NXPH2: variants seen among roughly 807,000 people sequenced by gnomAD.
NXPH2 encodes the protein neurexophilin-2.
A neutral mutation model predicts 19.8 loss-of-function variants in NXPH2; 5 were observed. That is an observed-to-expected ratio of 0.25 (90% CI 0.13 to 0.53). NXPH2 has a LOEUF of 0.53. NXPH2 is among the 20% of genes least tolerant of loss of function. The pLI, the probability that NXPH2 is intolerant of heterozygous loss-of-function variation, is 0.96. For synonymous variants in NXPH2, 154 were observed against 127.4 expected (o/e 1.21, Z -1.41); for missense variants, 289 against 322.8 (o/e 0.90, Z 0.80).
At chr2:138,772,059 C>T (rs764699959) in intron 1 of NXPH2, among the ~76,000 whole-genome samples, 1 of 152,174 alleles carries the variant, frequency 6.6e-6, no homozygotes, top group Non-Finnish European at 1.5e-5. Context: ...ACCTGCTTGT[C>T]CTCATATTCC....
At chr2:138,773,275 C>G (rs535440823) in intron 1 of NXPH2, among the ~76,000 whole-genome samples, 1 of 152,214 alleles carries the variant, frequency 6.6e-6, no homozygotes, top group African/African-American at 2.4e-5. Context: ...ACGGAAAACA[C>G]GCTTTTGAAA....
At chr2:138,776,199 C>T (rs192790486) in intron 1 of NXPH2, among the ~76,000 whole-genome samples, 6 of 152,110 alleles carry the variant, frequency 3.9e-5, no homozygotes, top group Non-Finnish European at 1.5e-5. Flanking sequence ...ATTTGATTGG[C>T]AAGAACTACA....
At chr2:138,739,102 G>A (rs746434069) in intron 1 of NXPH2, among the ~76,000 whole-genome samples, 3 of 152,046 alleles carry the variant, frequency 2.0e-5, no homozygotes, top group Admixed American at 6.6e-5. Context: ...TTGCTTCCAC[G>A]GGAAATGTTT....
In NXPH2 at chr2:138,671,624, C is replaced by T; in HGVS notation, c.93G>A (p.Gly31=). The T allele has an allele frequency of 6.2e-7, 1 of 1,600,642 alleles. No homozygotes were observed. Among genetic ancestry groups the T allele is most frequent in the Non-Finnish European group, 8.5e-7 (1 of 1,173,986 alleles). The change falls in exon 2 of 2, where the codon GGG becomes GGA. Residue 31 remains glycine, a synonymous_variant. Transcript: ENST00000272641. ...GAGCATCTTTGTCTTCCCAATCCAG[C>T]CCCTCCGTGGCATGCACCACTTCCT... ...DSKEVVHATE[G]LDWEDKDAPG...
Position 138,671,639 on chromosome 2 carries a change from C to T in NXPH2, c.78G>A (p.Val26=), listed in dbSNP as rs1472966582. ...CCCAATCCAGCCCCTCCGTGGCATG[C>T]ACCACTTCCTTACTGTCACAAAATA... ...QLLFCDSKEV[V]HATEGLDWED... is the part of the protein sequence containing the mutation. The change falls in exon 2 of 2, where the codon GTG becomes GTA. Residue 26 remains valine (V), a synonymous_variant. Transcript: ENST00000272641. 6.3e-7 allele frequency: 1 copy of T among 1,581,660 alleles called. No homozygotes were observed. The highest frequency in any genetic ancestry group is 8.6e-7 in the Non-Finnish European group (1 of 1,165,280).
In NXPH2 at chr2:138,691,782, A is replaced by T. The variant is rs188019436; in HGVS notation, c.52-20117T>A. ...TCCCTTCCAAGGACCCAAGTATGTGAGCAAAACCATCTTGAGCCTTCCAGA... is the reference window on the plus strand; with the variant it reads ...TCCCTTCCAAGGACCCAAGTATGTGTGCAAAACCATCTTGAGCCTTCCAGA... On this transcript the variant is annotated intron_variant, in intron 1 of 1. Transcript: ENST00000272641. Among the ~76,000 whole-genome samples the T allele has an allele frequency of 3.6e-3, 547 of 152,296 alleles. 1 individual carries two copies. The highest frequency in any genetic ancestry group is 6.9e-3 in the Admixed American group (106 of 15,294).
At chr2:138,748,579 TTC>T (rs1425825099) in intron 1 of NXPH2, among the ~76,000 whole-genome samples, 3 of 152,012 alleles carry the variant, frequency 2.0e-5, no homozygotes, top group Non-Finnish European at 2.9e-5. Context: ...GCATCTGAAA[TTC>T]TCTCTCTCTT....
At chr2:138,676,244 A>G (rs141579779) in intron 1 of NXPH2, among the ~76,000 whole-genome samples, 1 of 152,310 alleles carries the variant, frequency 6.6e-6, no homozygotes, top group African/African-American at 2.4e-5. Context: ...ATGTCTTTAA[A>G]CAGATGACAA....
At chr2:138,772,991 T>C (rs1429638826) in intron 1 of NXPH2, among the ~76,000 whole-genome samples, 1 of 152,254 alleles carries the variant, frequency 6.6e-6, no homozygotes, top group African/African-American at 2.4e-5. Flanking sequence ...TGTAGTGCTT[T>C]ACATCCTGTC....
intron 1 of NXPH2, among the ~76,000 whole-genome samples, chr2:138,733,734 G>T (rs1333857216): frequency 1.3e-5 from 2 of 152,154 alleles, no homozygotes; most frequent in African/African-American, 4.8e-5. Context: ...GGAGGCTACT[G>T]TACCCATGGG....
At chr2:138,704,538 A>T (rs981007763) in intron 1 of NXPH2, among the ~76,000 whole-genome samples, 1 of 152,242 alleles carries the variant, frequency 6.6e-6, no homozygotes, top group African/African-American at 2.4e-5. Flanking sequence ...ACACAGTCCT[A>T]GAAAGCTTAT....
At chr2:138,708,899 C>T (rs1219136545) in intron 1 of NXPH2, among the ~76,000 whole-genome samples, 1 of 152,178 alleles carries the variant, frequency 6.6e-6, no homozygotes, top group Non-Finnish European at 1.5e-5. Flanking sequence ...ACTCTATACC[C>T]ACAAACTTAA....
chr2:138,694,077 G>A (rs1219012231), intron 1 of NXPH2, among the ~76,000 whole-genome samples: 2 of 152,004 alleles, frequency 1.3e-5, no homozygotes, highest in African/African-American at 4.8e-5. Flanking sequence ...TATGATCGAA[G>A]ACTTTCCATC....
intron 1 of NXPH2, among the ~76,000 whole-genome samples, chr2:138,711,264 C>T (rs372883126): frequency 1.6e-3 from 237 of 150,848 alleles, no homozygotes; most frequent in African/African-American, 5.0e-3. Flanking sequence ...CCTCAGCCTC[C>T]GGAGTAGCTG....
At chr2:138,746,071 G>T (rs183508612) in intron 1 of NXPH2, among the ~76,000 whole-genome samples, 5 of 152,162 alleles carry the variant, frequency 3.3e-5, no homozygotes, top group African/African-American at 1.2e-4. Context: ...GGAATTCGTC[G>T]TCCTGTATGG....
intron 1 of NXPH2, among the ~76,000 whole-genome samples, chr2:138,685,484 C>T (rs1028802552): frequency 3.9e-5 from 6 of 152,214 alleles, no homozygotes; most frequent in Admixed American, 1.3e-4. Flanking sequence ...GGGTTATGTC[C>T]CAATAAACTC....
chr2:138,777,777 A>G (rs1473579224), intron 1 of NXPH2, among the ~76,000 whole-genome samples: 1 of 149,988 alleles, frequency 6.7e-6, no homozygotes, highest in East Asian at 2.0e-4. Context: ...CAGATAGAAA[A>G]GTAAAATCCA....
At chr2:138,753,456 T>G (rs953321370) in intron 1 of NXPH2, among the ~76,000 whole-genome samples, 4 of 152,174 alleles carry the variant, frequency 2.6e-5, no homozygotes, top group African/African-American at 7.2e-5. Flanking sequence ...GAAGCCTTAA[T>G]TCTTTTCTTG....
intron 1 of NXPH2, among the ~76,000 whole-genome samples, chr2:138,713,009 A>T (rs911661186): frequency 6.6e-6 from 1 of 152,228 alleles, no homozygotes; most frequent in Non-Finnish European, 1.5e-5. Context: ...AGTGTTGGTT[A>T]TTCAAGAAAA....
Sources: gnomAD v4.1 joint callset for allele counts (sites outside exome capture counted in the v4.1 genomes callset) on GRCh38, gnomAD v4.1.1 for gene constraint, MANE v1.5 for transcripts, NCBI Gene and HGNC (gene_info 2026-07-23, HGNC 2026-07-21) for gene names.